LRP1B: variants seen among roughly 807,000 people sequenced by gnomAD.
LRP1B encodes LDL receptor related protein 1B.
A neutral mutation model predicts 556.6 loss-of-function variants in LRP1B; 217 were observed. The ratio of observed to expected loss-of-function variants is 0.39; its 90% confidence interval spans 0.35 to 0.44. The LOEUF (loss-of-function observed/expected upper bound fraction) is 0.44. Ranked by LOEUF, LRP1B falls within the 20% of genes least tolerant of loss-of-function variation. The pLI is 1.00. For missense variants in LRP1B, 5,053 were observed against 5,620.8 expected (o/e 0.90, Z 3.23); for synonymous variants, 2,047 against 1,865.8 (o/e 1.10, Z -2.50).
At chr2:141,233,849 A>T (rs905151787) in intron 5 of LRP1B, among the ~76,000 whole-genome samples, 4 of 151,998 alleles carry the variant, frequency 2.6e-5, no homozygotes, top group African/African-American at 9.7e-5. Context: ...TGTAACTAAC[A>T]AACATATGTA....
intron 3 of LRP1B, among the ~76,000 whole-genome samples, chr2:141,477,689 A>T (rs1302736090): frequency 2.0e-5 from 3 of 152,158 alleles, no homozygotes; most frequent in Admixed American, 2.0e-4. Context: ...AGATTTTTTT[A>T]AATCATTGAT....
intron 2 of LRP1B, among the ~76,000 whole-genome samples, chr2:141,695,147 T>G (rs1691689544): frequency 6.6e-6 from 1 of 151,956 alleles, no homozygotes; most frequent in Admixed American, 6.6e-5. Context: ...ATACTTATCT[T>G]TATTAACTAT....
At chr2:141,849,141 A>G (rs1697755609) in intron 1 of LRP1B, among the ~76,000 whole-genome samples, 1 of 151,568 alleles carries the variant, frequency 6.6e-6, no homozygotes, top group Non-Finnish European at 1.5e-5. Flanking sequence ...TGCTACTATC[A>G]ATTGTTTTAA....
chr2:141,827,481 T>C (rs1055888218), intron 1 of LRP1B, among the ~76,000 whole-genome samples: 1 of 152,196 alleles, frequency 6.6e-6, no homozygotes, highest in African/African-American at 2.4e-5. Flanking sequence ...AGGCCACTTA[T>C]AAGACCTTAG....
At chr2:140,605,029 T>C (rs748407690) in intron 41 of LRP1B, among the ~76,000 whole-genome samples, 1 of 152,124 alleles carries the variant, frequency 6.6e-6, no homozygotes, top group Non-Finnish European at 1.5e-5. Flanking sequence ...GGGTATGTCT[T>C]TATTAGCAGC....
chr2:140,378,847 T>C (rs1035801413), intron 67 of LRP1B, among the ~76,000 whole-genome samples: 1 of 152,204 alleles, frequency 6.6e-6, no homozygotes, highest in Non-Finnish European at 1.5e-5. Context: ...GTTTGTAAGA[T>C]TCATCTTTAA....
At chr2:140,687,241 G>A (rs1334731020) in intron 41 of LRP1B, among the ~76,000 whole-genome samples, 1 of 152,144 alleles carries the variant, frequency 6.6e-6, no homozygotes, top group East Asian at 1.9e-4. Context: ...GTAGTTACAG[G>A]AGGGAATGGG....
intron 4 of LRP1B, among the ~76,000 whole-genome samples, 170 bp downstream of exon 4, chr2:141,254,351 AC>A (rs1235187711): frequency 6.6e-6 from 1 of 152,104 alleles, no homozygotes; most frequent in African/African-American, 2.4e-5. Flanking sequence ...AGAGTCATAA[AC>A]TTATAATAAT....
intron 1 of LRP1B, among the ~76,000 whole-genome samples, chr2:142,106,527 T>C (rs1706751953): frequency 6.6e-6 from 1 of 152,196 alleles, no homozygotes; most frequent in South Asian, 2.1e-4. Flanking sequence ...ACCTAAATCT[T>C]TGGCTTCAGG....
At chr2:141,481,883 TATC>T (rs926713501) in intron 2 of LRP1B, among the ~76,000 whole-genome samples, 9 of 152,160 alleles carry the variant, frequency 5.9e-5, no homozygotes, top group Admixed American at 5.2e-4. Flanking sequence ...TGTTTGGTGT[TATC>T]ATAGTTAAGT....
At chr2:141,265,080 C>T (rs1684837772) in intron 3 of LRP1B, among the ~76,000 whole-genome samples, 1 of 152,262 alleles carries the variant, frequency 6.6e-6, no homozygotes, top group East Asian at 1.9e-4. Context: ...ATGAGAGGGG[C>T]CACAAACTCT....
At chr2:140,780,395 T>C (rs1573708834) in intron 32 of LRP1B, among the ~76,000 whole-genome samples, 2 of 152,202 alleles carry the variant, frequency 1.3e-5, no homozygotes, top group African/African-American at 2.4e-5. Context: ...AAAAAGGCCA[T>C]TGTTAAAGTC....
chr2:141,293,338 T>C (rs926172579), intron 3 of LRP1B, among the ~76,000 whole-genome samples: 1 of 152,206 alleles, frequency 6.6e-6, no homozygotes, highest in Non-Finnish European at 1.5e-5. Flanking sequence ...TCTTTTGTTT[T>C]CCTGGTCCTA....
intron 1 of LRP1B, among the ~76,000 whole-genome samples, chr2:141,999,868 T>TA (rs1484157331): frequency 6.6e-6 from 1 of 151,826 alleles, no homozygotes; most frequent in African/African-American, 2.4e-5. Context: ...AGGTCAATGA[T>TA]ACAAACTCCC....
intron 86 of LRP1B, among the ~76,000 whole-genome samples, chr2:140,252,119 A>C (rs1438774277): frequency 6.7e-6 from 1 of 149,934 alleles, no homozygotes; most frequent in Non-Finnish European, 1.5e-5. Flanking sequence ...CAGAAAAAAA[A>C]CCTAGCATTT....
At chr2:140,487,810 C>A in intron 57 of LRP1B, 71 bp from the exon 58 acceptor site, 1 of 1,016,320 alleles carries the variant, frequency 9.8e-7, no homozygotes, top group South Asian at 1.5e-5. Context: ...TAGGAGTTTA[C>A]AGGAATCACT....
chr2:140,998,874 T>C (rs1697330272), intron 15 of LRP1B, among the ~76,000 whole-genome samples: 1 of 152,060 alleles, frequency 6.6e-6, no homozygotes, highest in Non-Finnish European at 1.5e-5. Context: ...GTTTTGCTTG[T>C]TTGACTCAGA....
Position 141,951,823 on chromosome 2 carries a change from A to G in LRP1B, c.83-141422T>C, listed in dbSNP as rs190750700. Reference sequence around the variant, plus strand: ...AGCTTTGATTAGAAACAACTGATGTAAAAGTTCAGAAGAATTTTTTTTTAA... The same window carrying G: ...AGCTTTGATTAGAAACAACTGATGTGAAAGTTCAGAAGAATTTTTTTTTAA... On this transcript the variant is annotated intron_variant, in intron 1 of 90. Transcript: ENST00000389484. Among the ~76,000 whole-genome samples the G allele has an allele frequency of 2.7e-3, 418 of 152,266 alleles. 1 individual carries two copies. The highest frequency in any genetic ancestry group is 9.3e-3 in the African/African-American group (387 of 41,550).
At chr2:141,321,252 T>C (rs1354894223) in intron 3 of LRP1B, among the ~76,000 whole-genome samples, 3 of 152,072 alleles carry the variant, frequency 2.0e-5, no homozygotes, top group Non-Finnish European at 4.4e-5. Flanking sequence ...GGTATACTAG[T>C]TAATAGTAAA....
Sources: gnomAD v4.1 joint callset for allele counts (sites outside exome capture counted in the v4.1 genomes callset) on GRCh38, gnomAD v4.1.1 for gene constraint, MANE v1.5 for transcripts, NCBI Gene and HGNC (gene_info 2026-07-23, HGNC 2026-07-21) for gene names.